TENM2: variants seen among roughly 807,000 people sequenced by gnomAD.
TENM2 encodes teneurin-2.
In TENM2, 52 loss-of-function variants were observed where a neutral mutation model predicts 245.2. That is an observed-to-expected ratio of 0.21 (90% CI 0.17 to 0.27). The LOEUF (loss-of-function observed/expected upper bound fraction) is 0.27, where lower values mean the gene tolerates loss of function less well. Among genes scored for constraint, TENM2 ranks in the 10% least tolerant of loss-of-function variants. TENM2 has a pLI of 1.00. For synonymous variants in TENM2, 1,363 were observed against 1,438.9 expected (o/e 0.95, Z 1.19); for missense variants, 3,046 against 3,666.8 (o/e 0.83, Z 4.37).
At chr5:167,042,454 T>C in the TENM2 span, among the ~76,000 whole-genome samples, 1 of 152,220 alleles carries the variant, frequency 6.6e-6, no homozygotes, top group African/African-American at 2.4e-5. Context: ...ATGTTCTTTC[T>C]TCAATAAACT....
rs554117996 is a variant in TENM2, at chr5:168,218,656, G to A, written c.4765G>A (p.Gly1589Arg). 23 of 1,613,990 alleles carry A rather than the reference G, an allele frequency of 1.4e-5. No homozygotes were observed. Among genetic ancestry groups the A allele is most frequent in the Middle Eastern group, 1.6e-4 (1 of 6,062 alleles). ...CAACCAGTATGAGGCTGCATCCCCCGGAGAGCAGGAGTTATATGTTTTCAA... is the reference window on the plus strand; with the variant it reads ...CAACCAGTATGAGGCTGCATCCCCCAGAGAGCAGGAGTTATATGTTTTCAA... The change falls in exon 23 of 29, where the codon GGA becomes AGA. Residue 1589 changes from glycine (G) to arginine (R), a missense_variant. Coordinates refer to ENST00000518659, the Ensembl canonical transcript of TENM2. This position sits in a 1 kb window ranked among gnomAD's most constrained non-coding sequence, Gnocchi z 5.2.
the TENM2 span, among the ~76,000 whole-genome samples, chr5:167,038,205 A>C: frequency 1.7e-3 from 263 of 152,344 alleles, no homozygotes; most frequent in Non-Finnish European, 3.4e-3. Flanking sequence ...TTGAACAGTC[A>C]GTCATGAAAC....
chr5:168,113,342 TAATAA>T (rs1306878677), intron 9 of TENM2, among the ~76,000 whole-genome samples: 2 of 152,028 alleles, frequency 1.3e-5, no homozygotes, highest in African/African-American at 2.4e-5. Context: ...ATAATAATAG[TAATAA>T]AATGAAATAA....
At chr5:167,475,262 C>A (rs529216000) in intron 2 of TENM2, among the ~76,000 whole-genome samples, 216 of 152,214 alleles carry the variant, frequency 1.4e-3, no homozygotes, top group South Asian at 2.7e-3. Context: ...GAACAGCCTT[C>A]CTCAAAATTT....
At chr5:167,340,256 C>G (rs1758018487) in intron 1 of TENM2, among the ~76,000 whole-genome samples, 1 of 152,218 alleles carries the variant, frequency 6.6e-6, no homozygotes, top group Admixed American at 6.5e-5. Flanking sequence ...CTATCCACTA[C>G]CAGTTCCAAA....
At chr5:167,928,276 T>C (rs962377893) in intron 3 of TENM2, among the ~76,000 whole-genome samples, 1 of 152,170 alleles carries the variant, frequency 6.6e-6, no homozygotes, top group African/African-American at 2.4e-5. Flanking sequence ...TCAAAACCTA[T>C]CAATTATATT....
chr5:167,129,411 G>A, the TENM2 span, among the ~76,000 whole-genome samples: 10 of 152,260 alleles, frequency 6.6e-5, no homozygotes, highest in African/African-American at 2.4e-4. Context: ...CATAGCTTAA[G>A]CAAGGTGTGA....
At chr5:167,994,547 A>G (rs907856259) in intron 5 of TENM2, among the ~76,000 whole-genome samples, 3 of 152,226 alleles carry the variant, frequency 2.0e-5, no homozygotes, top group African/African-American at 7.2e-5. Context: ...TGAGCCAACA[A>G]TTGACATAAA....
chr5:167,353,543 T>C (rs1308091540), intron 1 of TENM2, among the ~76,000 whole-genome samples: 3 of 125,704 alleles, frequency 2.4e-5, no homozygotes, highest in Non-Finnish European at 3.2e-5. Context: ...AGTCTCGCTC[T>C]GTCGCCCAGG....
chr5:167,881,690 G>A (rs1583271910), intron 3 of TENM2, among the ~76,000 whole-genome samples: 3 of 152,174 alleles, frequency 2.0e-5, no homozygotes, highest in African/African-American at 7.2e-5. Context: ...TCCAGGCAGA[G>A]GTTTGGTTCC....
chr5:167,057,229 A>G, the TENM2 span, among the ~76,000 whole-genome samples: 5 of 151,684 alleles, frequency 3.3e-5, no homozygotes, highest in African/African-American at 1.2e-4. Context: ...TCATTTATCT[A>G]TTTTTGCATG....
intron 2 of TENM2, among the ~76,000 whole-genome samples, chr5:167,378,653 A>G (rs1041742826): frequency 2.6e-5 from 4 of 151,896 alleles, no homozygotes; most frequent in Admixed American, 2.0e-4. Context: ...TAGAGTCCAT[A>G]CTTTTGTTCA....
At chr5:167,604,768 A>G (rs1372084228) in intron 2 of TENM2, among the ~76,000 whole-genome samples, 1 of 152,236 alleles carries the variant, frequency 6.6e-6, no homozygotes, top group Non-Finnish European at 1.5e-5. Context: ...AAGCAAACCT[A>G]GGATCAGGCA....
chr5:167,608,981 A>G (rs1165390866), intron 2 of TENM2, among the ~76,000 whole-genome samples: 1 of 114,988 alleles, frequency 8.7e-6, no homozygotes, highest in Non-Finnish European at 2.2e-5. Context: ...TACACATTTT[A>G]ATTAAATAAT....
chr5:166,997,097 A>G, the TENM2 span, among the ~76,000 whole-genome samples: 1 of 152,202 alleles, frequency 6.6e-6, no homozygotes, highest in Non-Finnish European at 1.5e-5. Context: ...TGTGTGTAAT[A>G]CTATGATATA....
chr5:167,777,476 T>G (rs1245901510), intron 2 of TENM2, among the ~76,000 whole-genome samples: 1 of 152,202 alleles, frequency 6.6e-6, no homozygotes, highest in African/African-American at 2.4e-5. Context: ...AATCAGTGTT[T>G]GGGAGGTGGT....
rs186347460 is a variant in TENM2, at chr5:168,116,610, C to G, written c.1814-1682C>G. On this transcript the variant is annotated intron_variant, in intron 9 of 28. Transcript: ENST00000518659. ...CAGGAGAAATGTTTACTTAATCAAGCCACCATTGATAAACGTAGCAATGGA... is the reference window on the plus strand; with the variant it reads ...CAGGAGAAATGTTTACTTAATCAAGGCACCATTGATAAACGTAGCAATGGA... 4.8e-3 allele frequency among the ~76,000 whole-genome samples: 732 copies of G among 152,262 alleles called. 4 individuals carry two copies. Among genetic ancestry groups the G allele is most frequent in the South Asian group, 0.028 (135 of 4,822 alleles).
At chr5:167,257,956 A>T in the TENM2 span, among the ~76,000 whole-genome samples, 5 of 152,032 alleles carry the variant, frequency 3.3e-5, no homozygotes, top group Non-Finnish European at 7.4e-5. Context: ...AATGAAGACT[A>T]GGAAAGGACC....
chr5:167,332,047 A>G (rs771468985), intron 1 of TENM2, among the ~76,000 whole-genome samples: 2 of 152,228 alleles, frequency 1.3e-5, no homozygotes, highest in Non-Finnish European at 2.9e-5. Context: ...AATAATCACC[A>G]ACGGGCAATT....
Sources: gnomAD v4.1 joint callset for allele counts (sites outside exome capture counted in the v4.1 genomes callset) on GRCh38, gnomAD v4.1.1 for gene constraint, Gnocchi (gnomAD v3.1) non-coding constraint, MANE v1.5 for transcripts, NCBI Gene and HGNC (gene_info 2026-07-23, HGNC 2026-07-21) for gene names.